MGAT4C: variants seen among roughly 807,000 people sequenced by gnomAD.
The protein encoded by MGAT4C is MGAT4 family member C.
A neutral mutation model predicts 40.1 loss-of-function variants in MGAT4C; 19 were observed. The observed-to-expected ratio is 0.47, with a 90% confidence interval of 0.33 to 0.70. MGAT4C has a LOEUF of 0.70. MGAT4C is among the 30% of genes least tolerant of loss of function. MGAT4C has a pLI of 0.02. For synonymous variants in MGAT4C, 181 were observed against 187.1 expected, an observed-to-expected ratio of 0.97 and a Z score of 0.27; for missense variants, 491 against 563.2, an observed-to-expected ratio of 0.87 and a Z score of 1.30.
At chr12:86,612,384 A>G (rs1447324941) in intron 2 of MGAT4C, among the ~76,000 whole-genome samples, 1 of 152,092 alleles carries the variant, frequency 6.6e-6, no homozygotes, top group Non-Finnish European at 1.5e-5. Context: ...TTATACATTC[A>G]TCTTATCACA....
chr12:86,566,764 A>G (rs111978263), intron 2 of MGAT4C, among the ~76,000 whole-genome samples: 890 of 75,382 alleles, frequency 0.012, 10 homozygotes, highest in South Asian at 0.1. Context: ...GTGTGTGTAT[A>G]TATATATATA....
At chr12:86,779,442 T>G (rs893809868) in intron 1 of MGAT4C, among the ~76,000 whole-genome samples, 3 of 150,754 alleles carry the variant, frequency 2.0e-5, no homozygotes, top group Non-Finnish European at 3.0e-5. Context: ...AAAAAATAAT[T>G]GAAAAAAAAA....
At chr12:86,108,507 C>T (rs1876625773) in intron 1 of MGAT4C, among the ~76,000 whole-genome samples, 2 of 152,044 alleles carry the variant, frequency 1.3e-5, no homozygotes, top group East Asian at 3.9e-4. Flanking sequence ...CAAAGGCTGA[C>T]TAATTGACCC....
rs541881405 is a variant in MGAT4C at position 85,957,178 on chromosome 12, C to T, written c.*22111G>A. ...TTGTTTATAAAAGAAATAGTAATAA[C>T]ATGCTACCTGGGCTAAAAGCAGGAA... On this transcript the variant is annotated 3_prime_UTR_variant, in exon 5 of 5. Transcript: ENST00000611864. 8 of 152,260 alleles carry T rather than the reference C, an allele frequency of 5.3e-5. No homozygotes were observed. The highest frequency in any genetic ancestry group is 1.7e-4 in the African/African-American group (7 of 41,574). The allele number at this position is 152,260 out of a possible 1,614,324, so 9.4% of individuals were successfully genotyped here.
intron 2 of MGAT4C, among the ~76,000 whole-genome samples, chr12:86,670,476 G>A (rs942788914): frequency 6.6e-6 from 1 of 151,698 alleles, no homozygotes; most frequent in Non-Finnish European, 1.5e-5. Flanking sequence ...CCAAGCAAAA[G>A]AAAGAATTTC....
intron 4 of MGAT4C, among the ~76,000 whole-genome samples, chr12:85,981,047 A>G (rs1225577416): frequency 6.6e-6 from 1 of 152,170 alleles, no homozygotes; most frequent in African/African-American, 2.4e-5. Context: ...TGTACATAGT[A>G]TATTAATTAG....
intron 1 of MGAT4C, among the ~76,000 whole-genome samples, chr12:86,166,967 A>G (rs1886261114): frequency 6.6e-6 from 1 of 152,192 alleles, no homozygotes; most frequent in Non-Finnish European, 1.5e-5. Flanking sequence ...ATTTAACTTC[A>G]TTTGCTGACT....
chr12:86,312,618 A>C (rs556950721), intron 4 of MGAT4C, among the ~76,000 whole-genome samples: 1 of 152,210 alleles, frequency 6.6e-6, no homozygotes, highest in Non-Finnish European at 1.5e-5. Context: ...TTTGTAGCAT[A>C]ATGCCTAGCA....
intron 1 of MGAT4C, among the ~76,000 whole-genome samples, chr12:86,237,742 C>T (rs1199468762): frequency 2.0e-5 from 3 of 151,578 alleles, no homozygotes; most frequent in Non-Finnish European, 4.4e-5. Context: ...ATCACAGATA[C>T]GACATTAGGG....
At chr12:85,996,554 CT>C (rs1327192775) in intron 2 of MGAT4C, among the ~76,000 whole-genome samples, 1 of 151,964 alleles carries the variant, frequency 6.6e-6, no homozygotes, top group Admixed American at 6.6e-5. Flanking sequence ...CTACAGGAAA[CT>C]CATTTTAATG....
At chr12:86,730,978 C>T (rs2136119880) in intron 1 of MGAT4C, among the ~76,000 whole-genome samples, 1 of 152,138 alleles carries the variant, frequency 6.6e-6, no homozygotes. Flanking sequence ...AAAAACTGGT[C>T]ACAGAGAGAC....
intron 4 of MGAT4C, among the ~76,000 whole-genome samples, chr12:86,323,338 T>C (rs141025358): frequency 1.9e-3 from 296 of 151,850 alleles, no homozygotes; most frequent in African/African-American, 7.1e-3. Context: ...TAATCATCCA[T>C]ATTTTAATAT....
At chr12:86,191,654 CA>C (rs1405225993) in intron 1 of MGAT4C, among the ~76,000 whole-genome samples, 11 of 147,174 alleles carry the variant, frequency 7.5e-5, no homozygotes, top group Admixed American at 4.1e-4. Context: ...CACACACACA[CA>C]CACACACACA....
intron 3 of MGAT4C, among the ~76,000 whole-genome samples, chr12:86,365,880 T>C (rs2136206827): frequency 6.6e-6 from 1 of 152,270 alleles, no homozygotes; most frequent in Non-Finnish European, 1.5e-5. Flanking sequence ...AGCACTGTTT[T>C]AGTTCCAAAT....
chr12:86,012,554 A>G (rs1231107067), intron 2 of MGAT4C, among the ~76,000 whole-genome samples: 1 of 152,038 alleles, frequency 6.6e-6, no homozygotes, highest in Non-Finnish European at 1.5e-5. Context: ...CAGCCTGGCC[A>G]ACATGGCAGA....
chr12:86,494,803 T>A (rs1463863895), intron 2 of MGAT4C, among the ~76,000 whole-genome samples: 1 of 151,924 alleles, frequency 6.6e-6, no homozygotes, highest in Non-Finnish European at 1.5e-5. Flanking sequence ...GGCAACTAGT[T>A]CATCAAAGAA....
chr12:86,363,502 A>G (rs1225137911), intron 3 of MGAT4C, among the ~76,000 whole-genome samples: 1 of 152,076 alleles, frequency 6.6e-6, no homozygotes, highest in Non-Finnish European at 1.5e-5. Flanking sequence ...TGCTTACATT[A>G]GAAAAGAAAA....
chr12:86,165,565 C>A (rs1213424934), intron 1 of MGAT4C, among the ~76,000 whole-genome samples: 1 of 152,176 alleles, frequency 6.6e-6, no homozygotes, highest in South Asian at 2.1e-4. Context: ...TGTGGTAGGA[C>A]AATTCTTTCT....
chr12:86,189,261 A>G (rs1889110062), intron 1 of MGAT4C, among the ~76,000 whole-genome samples: 1 of 151,970 alleles, frequency 6.6e-6, no homozygotes, highest in Admixed American at 6.6e-5. Context: ...ATTTCTCATA[A>G]AATTATTTTT....
Sources: gnomAD v4.1 joint callset for allele counts (sites outside exome capture counted in the v4.1 genomes callset) on GRCh38, gnomAD v4.1.1 for gene constraint, MANE v1.5 for transcripts, NCBI Gene and HGNC (gene_info 2026-07-23, HGNC 2026-07-21) for gene names.